The following CCDC171 variants were observed in gnomAD, a reference collection of about 807,000 sequenced individuals.
The protein encoded by CCDC171 is coiled-coil domain-containing protein 171.
In CCDC171, 177 loss-of-function variants were observed where a neutral mutation model predicts 168.2. The observed-to-expected ratio is 1.05, with a 90% CI of 0.93 to 1.19. The LOEUF is 1.19. Ranked by LOEUF, CCDC171 falls within the 50% of genes most tolerant of loss-of-function variation. The pLI is 0.00. For synonymous variants in CCDC171, 687 were observed against 540.8 expected (o/e 1.27, Z -3.75); for missense variants, 1,991 against 1,539.0 (o/e 1.29, Z -4.91).
intron 7 of CCDC171, among the ~76,000 whole-genome samples, chr9:15,638,407 A>G (rs571283203): frequency 6.6e-6 from 1 of 152,128 alleles, no homozygotes; most frequent in African/African-American, 2.4e-5. Flanking sequence ...GACAATCACT[A>G]CCAGTAATAC....
chr9:15,761,104 A>G (rs1407202463), intron 18 of CCDC171, among the ~76,000 whole-genome samples: 1 of 152,224 alleles, frequency 6.6e-6, no homozygotes, highest in Admixed American at 6.5e-5. Context: ...ATATCTCTGA[A>G]CAAACACAGG....
chr9:15,709,216 G>GA (rs957182944), intron 11 of CCDC171, among the ~76,000 whole-genome samples: 1 of 152,086 alleles, frequency 6.6e-6, no homozygotes, highest in African/African-American at 2.4e-5. Context: ...CTCCTACTCC[G>GA]AAAAAACCCA....
At chr9:15,580,799 A>G (rs1340495689) in intron 4 of CCDC171, among the ~76,000 whole-genome samples, 1 of 152,158 alleles carries the variant, frequency 6.6e-6, no homozygotes, top group Non-Finnish European at 1.5e-5. Context: ...AATTAGTACA[A>G]TCACTATGGA....
chr9:15,713,598 T>C (rs943490676), intron 11 of CCDC171, among the ~76,000 whole-genome samples: 1 of 152,146 alleles, frequency 6.6e-6, no homozygotes, highest in Non-Finnish European at 1.5e-5. Context: ...GTATTCAGTA[T>C]CTGCTGAGGA....
At chr9:15,678,364 T>G (rs531101163) in intron 9 of CCDC171, among the ~76,000 whole-genome samples, 9 of 152,294 alleles carry the variant, frequency 5.9e-5, no homozygotes, top group African/African-American at 2.2e-4. Context: ...ATGTGAGACA[T>G]TTGTTCCATT....
chr9:15,605,515 T>TAAAA (rs71325923), intron 6 of CCDC171, among the ~76,000 whole-genome samples: 3 of 99,116 alleles, frequency 3.0e-5, no homozygotes, highest in Non-Finnish European at 5.8e-5. Flanking sequence ...CTGTCTCTAC[T>TAAAA]AAAAAAAAAA....
Position 16,053,092 on chromosome 9 carries a change from T to C in CCDC171, n.90-7554T>C, listed in dbSNP as rs79262536. 1.6e-4 allele frequency among the ~76,000 whole-genome samples: 24 copies of C among 152,354 alleles called. No individual in the cohort carries two copies. In the East Asian group the frequency reaches 4.4e-3, roughly 28 times the overall value. ...CCACAGGAATAATTCTTTTCAGAAT[T>C]GTAGCTGGACAAATCCTAACCGATG... On this transcript the variant is annotated intron_variant and non_coding_transcript_variant, in intron 1 of 1. Transcript: ENST00000478913.
chr9:16,089,898 G>A, the CCDC171 span, among the ~76,000 whole-genome samples: 2 of 152,126 alleles, frequency 1.3e-5, no homozygotes, highest in Non-Finnish European at 2.9e-5. Flanking sequence ...GTAGGATGGA[G>A]ATCATTAAAA....
intron 16 of CCDC171, among the ~76,000 whole-genome samples, chr9:15,730,252 A>G (rs956488745): frequency 1.3e-5 from 2 of 151,848 alleles, no homozygotes; most frequent in Non-Finnish European, 2.9e-5. Flanking sequence ...ATATAAGGTT[A>G]TATTATATAA....
At chr9:16,079,869 T>A in the CCDC171 span, among the ~76,000 whole-genome samples, 39 of 152,348 alleles carry the variant, frequency 2.6e-4, no homozygotes, top group African/African-American at 8.9e-4. Context: ...CCTTTATTCC[T>A]CTTAAGAATC....
intron 3 of CCDC171, among the ~76,000 whole-genome samples, chr9:15,996,417 CTTTTTT>C (rs34798326): frequency 4.6e-5 from 3 of 64,576 alleles, no homozygotes; most frequent in Admixed American, 2.1e-4. Context: ...CTAGGAGGCT[CTTTTTT>C]TTTTTTTTTT....
At chr9:15,777,555 A>G in intron 18 of CCDC171, 45 bp from the exon 19 acceptor site, 2 of 1,167,090 alleles carry the variant, frequency 1.7e-6, no homozygotes, top group Middle Eastern at 2.1e-4. Context: ...GAAATGCACA[A>G]GAGACAATTC....
intron 21 of CCDC171, among the ~76,000 whole-genome samples, chr9:15,800,723 T>C (rs1179776832): frequency 6.6e-6 from 1 of 152,170 alleles, no homozygotes; most frequent in Non-Finnish European, 1.5e-5. Flanking sequence ...CAGTGTTTTC[T>C]TGTAGTAGTT....
At chr9:16,086,355 T>G in the CCDC171 span, among the ~76,000 whole-genome samples, 4 of 151,748 alleles carry the variant, frequency 2.6e-5, no homozygotes, top group East Asian at 5.8e-4. Context: ...TTGATGAGGC[T>G]GGAGTGCAGT....
At chr9:15,768,388 TA>T (rs915173067) in intron 18 of CCDC171, among the ~76,000 whole-genome samples, 2 of 152,162 alleles carry the variant, frequency 1.3e-5, no homozygotes, top group African/African-American at 4.8e-5. Context: ...CTTATTGGGT[TA>T]TTTTTTTATC....
intron 18 of CCDC171, among the ~76,000 whole-genome samples, chr9:15,759,117 C>G (rs1404602661): frequency 6.6e-6 from 1 of 152,290 alleles, no homozygotes; most frequent in African/African-American, 2.4e-5. Context: ...CTCCCTCCCT[C>G]TCTCCAGCCT....
At chr9:15,734,846 G>C (rs1214948451) in intron 16 of CCDC171, among the ~76,000 whole-genome samples, 1 of 152,126 alleles carries the variant, frequency 6.6e-6, no homozygotes, top group East Asian at 1.9e-4. Flanking sequence ...AAAATCCGCA[G>C]TTGTTATATA....
chr9:15,760,145 C>A (rs931777695), intron 18 of CCDC171, among the ~76,000 whole-genome samples: 2 of 152,026 alleles, frequency 1.3e-5, no homozygotes, highest in African/African-American at 4.8e-5. Context: ...TGAGAACTTG[C>A]TAAAAATTTA....
chr9:15,952,189 A>AT (rs1318580423), intron 25 of CCDC171, among the ~76,000 whole-genome samples: 1 of 152,068 alleles, frequency 6.6e-6, no homozygotes, highest in African/African-American at 2.4e-5. Flanking sequence ...TCATTTGACC[A>AT]TTATCTGATG....
Sources: allele counts gnomAD v4.1 joint callset (sites outside exome capture counted in the v4.1 genomes callset), GRCh38; gene constraint gnomAD v4.1.1; transcripts MANE v1.5; gene names NCBI Gene and HGNC (gene_info 2026-07-23, HGNC 2026-07-21).